Variants in PIK3CD observed in about 807,000 individuals in gnomAD.
PIK3CD encodes phosphatidylinositol-4,5-bisphosphate 3-kinase catalytic subunit delta, also known as phosphatidylinositol 4,5-bisphosphate 3-kinase catalytic subunit delta isoform.
A neutral mutation model predicts 122.9 loss-of-function variants in PIK3CD; 20 were observed. That is an observed-to-expected ratio of 0.16 (90% CI 0.11 to 0.24). The LOEUF (loss-of-function observed/expected upper bound fraction) is 0.24. Among genes scored for constraint, PIK3CD ranks in the 10% least tolerant of loss-of-function variants. The pLI is 1.00. For missense variants in PIK3CD, 787 were observed against 1,406.3 expected (o/e 0.56, Z 7.04); for synonymous variants, 596 against 593.4 (o/e 1.00, Z -0.06).
chr1:9,665,153 G>A (rs1016321968), intron 1 of PIK3CD, among the ~76,000 whole-genome samples: 11 of 146,746 alleles, frequency 7.5e-5, no homozygotes, highest in East Asian at 2.0e-4. Context: ...GCAGTGAGCC[G>A]TGATCGCACT....
chr1:9,637,447 T>G, the PIK3CD span, among the ~76,000 whole-genome samples: 1 of 152,164 alleles, frequency 6.6e-6, no homozygotes, highest in Admixed American at 6.6e-5. Flanking sequence ...GCCCGGGAGA[T>G]CGAGGCTGCA....
At chr1:9,716,352 C>G in intron 5 of PIK3CD, 88 bp from the exon 6 acceptor site, 1 of 1,305,798 alleles carries the variant, frequency 7.7e-7, no homozygotes, top group Non-Finnish European at 1.1e-6. Context: ...CAGACCCTAC[C>G]CTTGGGGGCA....
intron 2 of PIK3CD, chr1:9,691,791 G>T (rs1646206669): frequency 2.7e-6 from 1 of 368,916 alleles, no homozygotes; most frequent in African/African-American, 2.1e-5. Flanking sequence ...CCAGGAGAGA[G>T]ATGCTGCTGC....
rs1570355162 is a variant in PIK3CD at position 9,715,219 on chromosome 1, G to T, written c.142-322G>T. Among the ~76,000 whole-genome samples the T allele has an allele frequency of 6.6e-6, 1 of 152,270 alleles. No homozygotes were observed. The highest frequency in any genetic ancestry group is 1.9e-4 in the East Asian group (1 of 5,180). ...GTGAAGAACTCCAGGACAGTTAGCTGGGCTGCATGAAGGTCATGGCCCCCC... is the reference window on the plus strand; with the variant it reads ...GTGAAGAACTCCAGGACAGTTAGCTTGGCTGCATGAAGGTCATGGCCCCCC... On this transcript the variant is annotated intron_variant, in intron 3 of 23. Transcript: ENST00000377346. The surrounding 1 kb of genome is among the most constrained non-coding windows in gnomAD (Gnocchi z 4.1).
intron 1 of PIK3CD, chr1:9,672,457 C>G (rs548937277): frequency 3.9e-5 from 6 of 152,294 alleles, no homozygotes; most frequent in Admixed American, 3.9e-4. Flanking sequence ...GAGACAGGGT[C>G]TAGCTCTGTC....
At chr1:9,628,636 C>G in the PIK3CD span, among the ~76,000 whole-genome samples, 1 of 152,178 alleles carries the variant, frequency 6.6e-6, no homozygotes, top group African/African-American at 2.4e-5. Flanking sequence ...ACCGGGCAGA[C>G]TGCCTTCTTT....
chr1:9,674,270 T>A (rs1645430217), intron 1 of PIK3CD, among the ~76,000 whole-genome samples: 1 of 152,206 alleles, frequency 6.6e-6, no homozygotes, highest in Admixed American at 6.5e-5. Context: ...AGCTTTGCCG[T>A]TTGCCAGCTG....
chr1:9,726,468 C>G (rs1217094084), intron 23 of PIK3CD, among the ~76,000 whole-genome samples: 1 of 152,198 alleles, frequency 6.6e-6, no homozygotes, highest in Non-Finnish European at 1.5e-5. Flanking sequence ...GAGATCATGC[C>G]CCTGCACTCC....
intron 13 of PIK3CD, 105 bp downstream of exon 13, chr1:9,721,014 T>G: frequency 7.9e-7 from 1 of 1,272,768 alleles, no homozygotes; most frequent in African/African-American, 1.7e-5. Context: ...CTGGCCAACC[T>G]TCACCCTGAC....
At chr1:9,653,422 T>A in intron 1 of PIK3CD, 2 of 239,936 alleles carry the variant, frequency 8.3e-6, no homozygotes, top group Non-Finnish European at 1.7e-5. Context: ...ACCCACACAG[T>A]TTACAAGTAG....
chr1:9,724,776 C>G lies in PIK3CD; in HGVS notation c.2865-28C>G, dbSNP rs763605461. On this transcript the variant is annotated intron_variant, in intron 22 of 23. Transcript: ENST00000377346. The surrounding 1 kb of genome is among the most constrained non-coding windows in gnomAD (Gnocchi z 7.3). ...GGCCTGTGGCTGGGAGTTCCCAGAG[C>G]CTCACTTCCTCTGTCCCCTACCTGC... is the stretch of plus-strand genomic sequence containing the variant. 1 of 1,611,810 alleles carries G rather than the reference C, an allele frequency of 6.2e-7. No individual in the cohort carries two copies. Among genetic ancestry groups the G allele is most frequent in the Non-Finnish European group, 8.5e-7 (1 of 1,179,962 alleles).
chr1:9,708,306 C>T (rs534752650), intron 2 of PIK3CD, among the ~76,000 whole-genome samples: 35 of 151,990 alleles, frequency 2.3e-4, no homozygotes, highest in Non-Finnish European at 4.4e-4. Flanking sequence ...CTCAGCCTCC[C>T]GAGTAGCTGG....
At chr1:9,695,076 GA>G (rs1646352597) in intron 2 of PIK3CD, among the ~76,000 whole-genome samples, 1 of 151,848 alleles carries the variant, frequency 6.6e-6, no homozygotes, top group Non-Finnish European at 1.5e-5. Context: ...GTCGTATGGG[GA>G]AAAAAAGGCA....
chr1:9,639,084 C>A, the PIK3CD span, among the ~76,000 whole-genome samples: 2 of 152,038 alleles, frequency 1.3e-5, no homozygotes, highest in Non-Finnish European at 2.9e-5. Flanking sequence ...AGGATTTGGA[C>A]GTATCTTTTT....
chr1:9,720,351 AC>A lies in PIK3CD; in HGVS notation c.1470+111del. 7.0e-7 allele frequency: 1 copy of A among 1,433,002 alleles called. No individual in the cohort carries two copies. Among genetic ancestry groups the A allele is most frequent in the Non-Finnish European group, 9.4e-7 (1 of 1,067,332 alleles). 88.8% of individuals were successfully genotyped at this position (1,433,002 alleles called of 1,614,324 possible). A position where few individuals can be genotyped will look rare whatever the true frequency, so the allele number is the denominator to read the frequency against. ...TCCCTGGCCACGTCGGGGCTGGGCT[AC>A]CAGGCATATCTGGGGCCTTCCCAGG... On this transcript the variant is annotated intron_variant, in intron 11 of 23. Coordinates refer to ENST00000377346, the MANE Select transcript of PIK3CD (RefSeq NM_005026.5). The surrounding 1 kb of genome is among the most constrained non-coding windows in gnomAD (Gnocchi z 9.0).
intron 3 of PIK3CD, among the ~76,000 whole-genome samples, chr1:9,713,501 T>G (rs943811178): frequency 2.6e-5 from 4 of 152,376 alleles, no homozygotes; most frequent in South Asian, 2.1e-4. Context: ...GTGTTTTTTT[T>G]GTAATAATTC....
chr1:9,696,211 A>G (rs1361208114), intron 2 of PIK3CD, among the ~76,000 whole-genome samples: 2 of 151,906 alleles, frequency 1.3e-5, no homozygotes, highest in African/African-American at 2.4e-5. Flanking sequence ...GGCTCAAGCA[A>G]TCCACCCACC....
In PIK3CD at chr1:9,700,084, C is replaced by T. The variant is rs1177907622; in HGVS notation, c.-33+8513C>T. On this transcript the variant is annotated intron_variant, in intron 2 of 23. Transcript: ENST00000377346. The surrounding 1 kb of genome is among the most constrained non-coding windows in gnomAD (Gnocchi z 5.1). ...CCAGTGCTTTTACTACCTGAAGCATCTTGTTTATCTATTTGTTTTCTTTTT... is the reference window on the plus strand; with the variant it reads ...CCAGTGCTTTTACTACCTGAAGCATTTTGTTTATCTATTTGTTTTCTTTTT... Among the ~76,000 whole-genome samples, 1 of 152,172 alleles carries T rather than the reference C, an allele frequency of 6.6e-6. No individual in the cohort carries two copies. The highest frequency in any genetic ancestry group is 1.5e-5 in the Non-Finnish European group (1 of 68,032).
chr1:9,668,946 A>G (rs1193146714), intron 1 of PIK3CD, among the ~76,000 whole-genome samples: 1 of 152,080 alleles, frequency 6.6e-6, no homozygotes, highest in Non-Finnish European at 1.5e-5. Flanking sequence ...CCTCTGGAGC[A>G]TGGAAATGGG....
Sources: gnomAD v4.1 joint callset for allele counts (sites outside exome capture counted in the v4.1 genomes callset) on GRCh38, gnomAD v4.1.1 for gene constraint, Gnocchi (gnomAD v3.1) non-coding constraint, MANE v1.5 for transcripts, NCBI Gene and HGNC (gene_info 2026-07-23, HGNC 2026-07-21) for gene names.